Variants in FBXO28 observed in about 807,000 individuals in gnomAD.
The protein encoded by FBXO28 is F-box only protein 28.
A neutral mutation model predicts 38.1 loss-of-function variants in FBXO28; 8 were observed. The observed-to-expected ratio is 0.21, with a 90% CI of 0.12 to 0.38. FBXO28 has a LOEUF of 0.38. FBXO28 is among the 10% of genes least tolerant of loss of function. The probability of loss-of-function intolerance (pLI) is 1.00; values close to 1 mark genes in which losing one functional copy is unlikely to be tolerated. For synonymous variants in FBXO28, 168 were observed against 173.8 expected (o/e 0.97, Z 0.26); for missense variants, 345 against 460.6 (o/e 0.75, Z 2.30).
At chr1:224,142,932 AG>A (rs1657396350) in intron 3 of FBXO28, among the ~76,000 whole-genome samples, 3 of 151,458 alleles carry the variant, frequency 2.0e-5, no homozygotes, top group African/African-American at 7.3e-5. Context: ...GGGGACAGAA[AG>A]ACACTCTGTC....
At chr1:224,132,117 G>C (rs984251733) in intron 2 of FBXO28, among the ~76,000 whole-genome samples, 34 of 152,140 alleles carry the variant, frequency 2.2e-4, no homozygotes, top group African/African-American at 7.5e-4. Context: ...CCTGGGCATG[G>C]TGGCGGGTGC....
At chr1:224,132,531 T>G (rs1258371905) in intron 2 of FBXO28, among the ~76,000 whole-genome samples, 2 of 152,062 alleles carry the variant, frequency 1.3e-5, no homozygotes, top group East Asian at 1.9e-4. Context: ...TCAGGCCGGA[T>G]GTGATGGCTC....
At chr1:224,154,707 C>T (rs1657730593) in intron 4 of FBXO28, among the ~76,000 whole-genome samples, 1 of 151,844 alleles carries the variant, frequency 6.6e-6, no homozygotes, top group Admixed American at 6.6e-5. Flanking sequence ...ACTCAGGAGG[C>T]TGAGGCAGGA....
rs1174643785 is a variant in FBXO28, at chr1:224,137,854, C to G, written c.516+3642C>G. The stretch of plus-strand genomic sequence containing the variant: ...AATTGCAGGCAAGCTAGATCATTGC[C>G]CTTCTACTCAGTGAAAACCAAAGGC... On this transcript the variant is annotated intron_variant, in intron 3 of 4. Transcript: ENST00000366862. Among the ~76,000 whole-genome samples, 4 of 151,760 alleles carry G rather than the reference C, an allele frequency of 2.6e-5. 1 individual carries two copies. The highest frequency in any genetic ancestry group is 9.7e-5 in the African/African-American group (4 of 41,076).
At chr1:224,155,359 G>A (rs753761052) in intron 4 of FBXO28, among the ~76,000 whole-genome samples, 1 of 151,938 alleles carries the variant, frequency 6.6e-6, no homozygotes, top group Non-Finnish European at 1.5e-5. Flanking sequence ...TAGAAACAGG[G>A]TTTCACCATG....
chr1:224,130,785 A>C, intron 2 of FBXO28: 1 of 454,242 alleles, frequency 2.2e-6, no homozygotes, highest in African/African-American at 2.0e-5. Context: ...CAGAGAAATT[A>C]GGCAAGAAAA....
At chr1:224,154,654 A>G (rs564842223) in intron 4 of FBXO28, among the ~76,000 whole-genome samples, 9 of 149,524 alleles carry the variant, frequency 6.0e-5, no homozygotes, top group South Asian at 2.1e-4. Context: ...TAAAAATACA[A>G]AAAATTAGCT....
intron 3 of FBXO28, among the ~76,000 whole-genome samples, chr1:224,151,730 C>G (rs1657651637): frequency 6.6e-6 from 1 of 152,074 alleles, no homozygotes; most frequent in Admixed American, 6.6e-5. Context: ...AGATGTCATC[C>G]AGATTGGGGT....
chr1:224,127,204 GTGTGTT>G (rs1558188476), intron 1 of FBXO28, among the ~76,000 whole-genome samples: 20 of 145,144 alleles, frequency 1.4e-4, no homozygotes, highest in East Asian at 2.0e-4. Flanking sequence ...GTGTGTGTGT[GTGTGTT>G]TATGTTTGGC....
rs1036267397 is a variant in FBXO28, at chr1:224,159,982, T to C, written c.*2236T>C. ...TCCAAATTTCTATTGCATACACTTA[T>C]AATCATCTATTCATAAAGCTAATTC... On this transcript the variant is annotated 3_prime_UTR_variant, in exon 5 of 5. Coordinates refer to ENST00000366862, the MANE Select transcript of FBXO28 (RefSeq NM_015176.4). 5 of 152,336 alleles carry C rather than the reference T, an allele frequency of 3.3e-5. No individual in the cohort carries two copies. The South Asian group carries it at 6.2e-4, about 19-fold the overall frequency. The allele number at this position is 152,336 out of a possible 1,614,324, so 9.4% of individuals were successfully genotyped here. A position where few individuals can be genotyped will look rare whatever the true frequency, so the allele number is the denominator to read the frequency against.
At chr1:224,116,687 G>A (rs1656650786) in intron 1 of FBXO28, among the ~76,000 whole-genome samples, 2 of 152,072 alleles carry the variant, frequency 1.3e-5, no homozygotes, top group South Asian at 4.1e-4. Context: ...ACTTTGCTTA[G>A]CATCTAATGT....
At chr1:224,154,700 C>T (rs1035322321) in intron 4 of FBXO28, among the ~76,000 whole-genome samples, 1 of 151,662 alleles carries the variant, frequency 6.6e-6, no homozygotes, top group African/African-American at 2.4e-5. Context: ...TCCAGCTACT[C>T]AGGAGGCTGA....
rs1282210464 is a variant in FBXO28, at chr1:224,160,778, TAATCTC to T, written c.*3033_*3038del. On this transcript the variant is annotated 3_prime_UTR_variant, in exon 5 of 5. Coordinates refer to ENST00000366862, the MANE Select transcript of FBXO28 (RefSeq NM_015176.4). The stretch of plus-strand genomic sequence containing the variant: ...TACTGAACTTTACAGGGGCTTGCCT[TAATCTC>T]TATTTAGTAGTTTCAAGATATATGC... 2.0e-5 allele frequency: 3 copies of T among 152,226 alleles called. No individual in the cohort carries two copies. Among genetic ancestry groups the T allele is most frequent in the Non-Finnish European group, 4.4e-5 (3 of 68,050 alleles). 9.4% of individuals were successfully genotyped at this position (152,226 alleles called of 1,614,324 possible).
chr1:224,156,418 C>T (rs1312996609), intron 4 of FBXO28, among the ~76,000 whole-genome samples: 1 of 152,086 alleles, frequency 6.6e-6, no homozygotes, highest in African/African-American at 2.4e-5. Flanking sequence ...CTTAAGAACA[C>T]GATACAGGCT....
chr1:224,122,847 A>C (rs1656810123), intron 1 of FBXO28, among the ~76,000 whole-genome samples: 1 of 152,214 alleles, frequency 6.6e-6, no homozygotes, highest in African/African-American at 2.4e-5. Context: ...TTACCTCAAG[A>C]AGTCCTACCT....
At chr1:224,116,234 A>G (rs1351157935) in intron 1 of FBXO28, among the ~76,000 whole-genome samples, 1 of 151,930 alleles carries the variant, frequency 6.6e-6, no homozygotes, top group Non-Finnish European at 1.5e-5. Flanking sequence ...TAAATGGATA[A>G]TCCTTTGTGG....
At chr1:224,127,267 A>G (rs1001913726) in intron 1 of FBXO28, among the ~76,000 whole-genome samples, 1 of 151,768 alleles carries the variant, frequency 6.6e-6, no homozygotes, top group Non-Finnish European at 1.5e-5. Context: ...CAGTAGCCAC[A>G]TGACGTTTGA....
chr1:224,130,046 A>C (rs1657000603), intron 1 of FBXO28, among the ~76,000 whole-genome samples: 1 of 151,720 alleles, frequency 6.6e-6, no homozygotes, highest in Admixed American at 6.6e-5. Flanking sequence ...ACTGAATCAG[A>C]GTTACATACA....
chr1:224,114,309 AAAC>A lies in FBXO28; in HGVS notation c.185_187del (p.Asn62del). 6.4e-7 allele frequency: 1 copy of A among 1,574,642 alleles called. No individual in the cohort carries two copies. Among genetic ancestry groups the A allele is most frequent in the East Asian group, 2.3e-5 (1 of 42,932 alleles). On this transcript the variant is annotated inframe_deletion, in exon 1 of 5. Coordinates refer to ENST00000366862, the MANE Select transcript of FBXO28 (RefSeq NM_015176.4). Reference sequence around the variant, plus strand: ...CGCTGGCTCCGGACCAGCTGCCTCAAAACAACACGCTTGTGGCGCTGCCCATCG... The same window carrying A: ...CGCTGGCTCCGGACCAGCTGCCTCAAAACACGCTTGTGGCGCTGCCCATCG...
Sources: allele counts gnomAD v4.1 joint callset (sites outside exome capture counted in the v4.1 genomes callset), GRCh38; gene constraint gnomAD v4.1.1; transcripts MANE v1.5; gene names NCBI Gene and HGNC (gene_info 2026-07-23, HGNC 2026-07-21).